ARHGAP5: variants seen among roughly 807,000 people sequenced by gnomAD.
ARHGAP5 encodes rho GTPase-activating protein 5.
Under a neutral mutation model 116.6 loss-of-function variants are expected in ARHGAP5, and 23 were observed. The observed-to-expected ratio is 0.20, with a 90% confidence interval of 0.14 to 0.28. The LOEUF is 0.28. Ranked by LOEUF, ARHGAP5 falls within the 10% of genes least tolerant of loss-of-function variation. The pLI is 1.00. For missense variants in ARHGAP5, 1,405 were observed against 1,774.8 expected, an observed-to-expected ratio of 0.79 and a Z score of 3.74; for synonymous variants, 574 against 602.0, an observed-to-expected ratio of 0.95 and a Z score of 0.68.
Position 32,155,162 on chromosome 14 carries a change from A to C in ARHGAP5, c.*214A>C. On this transcript the variant is annotated 3_prime_UTR_variant, in exon 7 of 7. Coordinates refer to ENST00000345122, the MANE Select transcript of ARHGAP5 (RefSeq NM_001030055.2). Reference sequence around the variant, plus strand: ...CTGGAGAGGTTTAATTTTTATAAACAAAAATAGCTATAAAGTACAAAGCTG... The same window carrying C: ...CTGGAGAGGTTTAATTTTTATAAACCAAAATAGCTATAAAGTACAAAGCTG... 2 of 516,720 alleles carry C rather than the reference A, an allele frequency of 3.9e-6. No individual in the cohort carries two copies. Among genetic ancestry groups the C allele is most frequent in the South Asian group, 6.1e-5 (2 of 32,986 alleles). 32.0% of individuals were successfully genotyped at this position (516,720 alleles called of 1,614,324 possible). A position where few individuals can be genotyped will look rare whatever the true frequency, so the allele number is the denominator to read the frequency against.
At chr14:32,103,057 G>T (rs1439308338) in intron 2 of ARHGAP5, among the ~76,000 whole-genome samples, 1 of 152,122 alleles carries the variant, frequency 6.6e-6, no homozygotes, top group Non-Finnish European at 1.5e-5. Flanking sequence ...GCTTTCTTCA[G>T]TACCATTTCT....
rs563631043 is a variant in ARHGAP5, at chr14:32,157,498, C to G, written c.*2550C>G. 50 of 152,274 alleles carry G rather than the reference C, an allele frequency of 3.3e-4. No homozygotes were observed. The highest frequency in any genetic ancestry group is 1.2e-3 in the African/African-American group (49 of 41,528). The allele number at this position is 152,274 out of a possible 1,614,324, so 9.4% of individuals were successfully genotyped here. A position where few individuals can be genotyped will look rare whatever the true frequency, so the allele number is the denominator to read the frequency against. On this transcript the variant is annotated 3_prime_UTR_variant, in exon 7 of 7. Coordinates refer to ENST00000345122, the MANE Select transcript of ARHGAP5 (RefSeq NM_001030055.2). ...CCATTGTTTCATTTAAGGTTCAGTG[C>G]TTATAGTTAACTACAATATTGGACC...
intron 5 of ARHGAP5, 30 bp from the exon 6 acceptor site, chr14:32,152,391 TAC>T: frequency 7.1e-7 from 1 of 1,409,274 alleles, no homozygotes; most frequent in Non-Finnish European, 9.9e-7. Flanking sequence ...GTGTAAGTTT[TAC>T]ACAGATTCTT....
rs1296237330 is a variant in ARHGAP5 at position 32,155,582 on chromosome 14, C to T, written c.*634C>T. ...TAAATGAACCTATTTCTTTTACACA[C>T]ATACCAAGGACATGCTTGTGGCTAA... is the stretch of plus-strand genomic sequence containing the variant. On this transcript the variant is annotated 3_prime_UTR_variant, in exon 7 of 7. Coordinates refer to ENST00000345122, the MANE Select transcript of ARHGAP5 (RefSeq NM_001030055.2). 2 of 152,702 alleles carry T rather than the reference C, an allele frequency of 1.3e-5. No individual in the cohort carries two copies. Among genetic ancestry groups the T allele is most frequent in the African/African-American group, 4.8e-5 (2 of 41,452 alleles). The allele number at this position is 152,702 out of a possible 1,614,324, so 9.5% of individuals were successfully genotyped here. A position where few individuals can be genotyped will look rare whatever the true frequency, so the allele number is the denominator to read the frequency against.
intron 1 of ARHGAP5, 145 bp downstream of exon 1, chr14:32,077,580 C>T (rs1274279428): frequency 5.4e-6 from 3 of 553,732 alleles, no homozygotes; most frequent in Middle Eastern, 3.3e-4. Context: ...CGAGGGGAGC[C>T]TGGCGCTGCG....
chr14:32,082,334 A>T (rs2041785372), intron 1 of ARHGAP5, among the ~76,000 whole-genome samples: 1 of 152,172 alleles, frequency 6.6e-6, no homozygotes, highest in Non-Finnish European at 1.5e-5. Flanking sequence ...GCTGAAATTT[A>T]TGTTAATAAT....
At chr14:32,130,264 T>C (rs1186390495) in intron 3 of ARHGAP5, among the ~76,000 whole-genome samples, 1 of 138,660 alleles carries the variant, frequency 7.2e-6, no homozygotes. Context: ...CAGGCTGGAG[T>C]GTAGTGGTGG....
intron 3 of ARHGAP5, among the ~76,000 whole-genome samples, chr14:32,132,387 T>G (rs1880550093): frequency 1.3e-5 from 2 of 152,256 alleles, no homozygotes; most frequent in Non-Finnish European, 2.9e-5. Context: ...TGTCTTCTTT[T>G]GAGCAGTGTC....
chr14:32,117,112 G>T, intron 2 of ARHGAP5, 28 bp from the exon 3 acceptor site: 2 of 1,540,298 alleles, frequency 1.3e-6, no homozygotes, highest in Non-Finnish European at 1.8e-6. Flanking sequence ...AATTTTAATA[G>T]TGTTAACTTA....
intron 2 of ARHGAP5, among the ~76,000 whole-genome samples, chr14:32,116,387 G>A (rs1173474774): frequency 6.6e-6 from 1 of 151,512 alleles, no homozygotes; most frequent in African/African-American, 2.4e-5. Flanking sequence ...TCAGGAGATC[G>A]AGACCATCCT....
intron 4 of ARHGAP5, among the ~76,000 whole-genome samples, chr14:32,146,575 A>C: frequency 6.6e-6 from 1 of 152,220 alleles, no homozygotes; most frequent in Non-Finnish European, 1.5e-5. Flanking sequence ...GATTACTTTT[A>C]GAGCCTTTGA....
chr14:32,129,289 C>G (rs1229000629), intron 3 of ARHGAP5, among the ~76,000 whole-genome samples: 1 of 151,710 alleles, frequency 6.6e-6, no homozygotes, highest in Admixed American at 6.6e-5. Flanking sequence ...TTCAGTTATG[C>G]TAGAGTAGGT....
Position 32,092,345 on chromosome 14 carries a change from G to A in ARHGAP5, c.1676G>A (p.Ser559Asn), listed in dbSNP as rs149988341. 6 of 1,613,722 alleles carry A rather than the reference G, an allele frequency of 3.7e-6. No homozygotes were observed. The highest frequency in any genetic ancestry group is 5.1e-6 in the Non-Finnish European group (6 of 1,179,834). ...VYHPTKETCL[S>N]GQNCTDIKVE... ...CATCCCACTAAAGAAACATGTCTTA[G>A]TGGCCAAAATTGTACAGACATTAAA... The change falls in exon 2 of 7, where the codon AGT becomes AAT. Residue 559 changes from serine (S) to asparagine (N), a missense_variant. This residue lies in a region of ARHGAP5 where 944 missense variants were observed against 1,095.3 expected (regional missense o/e 0.86). Transcript: ENST00000345122. The surrounding 1 kb of genome is among the most constrained non-coding windows in gnomAD (Gnocchi z 4.1).
chr14:32,143,386 G>A (rs912826910), intron 3 of ARHGAP5, among the ~76,000 whole-genome samples: 3 of 151,992 alleles, frequency 2.0e-5, no homozygotes, highest in Non-Finnish European at 4.4e-5. Context: ...GGGACTACAG[G>A]TGCCCACCAC....
chr14:32,105,960 T>C (rs565627840), intron 2 of ARHGAP5, among the ~76,000 whole-genome samples: 1 of 152,322 alleles, frequency 6.6e-6, no homozygotes, highest in Non-Finnish European at 1.5e-5. Flanking sequence ...GTTTGTTCTT[T>C]TTATTGCTGA....
intron 3 of ARHGAP5, among the ~76,000 whole-genome samples, chr14:32,122,568 G>A (rs1384594028): frequency 2.6e-5 from 4 of 152,160 alleles, no homozygotes; most frequent in Non-Finnish European, 5.9e-5. Flanking sequence ...ATGGTGTCAT[G>A]TCTAAGAAGG....
chr14:32,088,017 A>T (rs1163423596), intron 1 of ARHGAP5, among the ~76,000 whole-genome samples: 1 of 152,012 alleles, frequency 6.6e-6, no homozygotes, highest in African/African-American at 2.4e-5. Context: ...ACATTTTATG[A>T]TAGAGTGTTT....
chr14:32,090,083 G>A (rs1035013159), intron 1 of ARHGAP5, among the ~76,000 whole-genome samples: 1 of 151,878 alleles, frequency 6.6e-6, no homozygotes, highest in Non-Finnish European at 1.5e-5. Flanking sequence ...GTAAAAAGCA[G>A]GTTGTTTTGT....
At chr14:32,102,933 A>G (rs1364814165) in intron 2 of ARHGAP5, among the ~76,000 whole-genome samples, 1 of 152,250 alleles carries the variant, frequency 6.6e-6, no homozygotes, top group Non-Finnish European at 1.5e-5. Flanking sequence ...CAAGAAATTC[A>G]GTCTAATAAA....
Sources: gnomAD v4.1 joint callset for allele counts (sites outside exome capture counted in the v4.1 genomes callset) on GRCh38, gnomAD v4.1.1 for gene constraint, gnomAD v4.1.1 regional missense constraint, Gnocchi (gnomAD v3.1) non-coding constraint, MANE v1.5 for transcripts, NCBI Gene and HGNC (gene_info 2026-07-23, HGNC 2026-07-21) for gene names.